Variants in SPART observed in about 807,000 individuals in gnomAD.
SPART encodes spastic paraplegia 20 (Troyer syndrome).
In SPART, 35 loss-of-function variants were observed where a neutral mutation model predicts 58.7. That is an observed-to-expected ratio of 0.60 (90% CI 0.46 to 0.79). SPART has a LOEUF of 0.79. Ranked by LOEUF, SPART falls within the 30% of genes least tolerant of loss-of-function variation. SPART has a pLI of 0.00. For synonymous variants in SPART, 284 were observed against 280.7 expected, an observed-to-expected ratio of 1.01 and a Z score of -0.12; for missense variants, 730 against 786.1, an observed-to-expected ratio of 0.93 and a Z score of 0.85.
intron 1 of SPART, among the ~76,000 whole-genome samples, chr13:36,360,424 AG>A (rs1177004177): frequency 6.6e-6 from 1 of 151,816 alleles, no homozygotes; most frequent in Non-Finnish European, 1.5e-5. Flanking sequence ...AGGTGTTAAG[AG>A]TGTCTTTCAG....
intron 1 of SPART, among the ~76,000 whole-genome samples, chr13:36,357,267 T>C (rs1000502136): frequency 3.9e-5 from 6 of 152,154 alleles, no homozygotes; most frequent in African/African-American, 1.4e-4. Flanking sequence ...AGTGAAACTT[T>C]TGTAATTCAA....
At chr13:36,345,624 C>G (rs1281067402) in intron 1 of SPART, 2 of 152,184 alleles carry the variant, frequency 1.3e-5, no homozygotes, top group Non-Finnish European at 2.9e-5. Flanking sequence ...CGTCACGAAA[C>G]TGCGCATTCC....
intron 1 of SPART, among the ~76,000 whole-genome samples, chr13:36,366,870 C>T (rs1234921410): frequency 6.6e-6 from 1 of 152,112 alleles, no homozygotes; most frequent in African/African-American, 2.4e-5. Flanking sequence ...TTGATGCATG[C>T]GCCAAGAAAG....
rs994932735 is a variant in SPART, at chr13:36,343,756, A to G, written c.-3+2469T>C. ...TCTGGCACCCTTCTAAGGTTATCCA[A>G]TCCTCACTCTTGGAGGTTGATATCT... On this transcript the variant is annotated intron_variant, in intron 1 of 8. Coordinates refer to ENST00000438666, the MANE Select transcript of SPART (RefSeq NM_015087.5). Among the ~76,000 whole-genome samples, 6 of 152,344 alleles carry G rather than the reference A, an allele frequency of 3.9e-5. No individual in the cohort carries two copies. The East Asian group carries it at 7.7e-4, about 20-fold the overall frequency.
intron 8 of SPART, among the ~76,000 whole-genome samples, chr13:36,305,823 C>T (rs1347876103): frequency 1.3e-5 from 2 of 152,056 alleles, no homozygotes; most frequent in Admixed American, 6.5e-5. Context: ...AAACAACAAA[C>T]AAAACAAAGA....
intron 1 of SPART, among the ~76,000 whole-genome samples, chr13:36,336,873 C>A (rs2137567719): frequency 6.6e-6 from 1 of 152,304 alleles, no homozygotes; most frequent in South Asian, 2.1e-4. Context: ...CTCACCAATT[C>A]TTTGAGGAAA....
At chr13:36,365,497 T>C (rs1886019214) in intron 1 of SPART, 1 of 371,196 alleles carries the variant, frequency 2.7e-6, no homozygotes, top group Non-Finnish European at 5.4e-6. Context: ...GCAAATATCT[T>C]AGATTACTAG....
At chr13:36,307,682 G>C (rs1292310755) in intron 8 of SPART, among the ~76,000 whole-genome samples, 1 of 151,988 alleles carries the variant, frequency 6.6e-6, no homozygotes, top group Non-Finnish European at 1.5e-5. Flanking sequence ...TTATTGAATA[G>C]GTACTATACC....
At position 36,302,561 on chromosome 13, in the gene SPART, GCTAA is replaced by G. The variant is rs1880090091; in HGVS notation, c.*1800_*1803del. 1.3e-5 allele frequency: 2 copies of G among 152,130 alleles called. No homozygotes were observed. Among genetic ancestry groups the G allele is most frequent in the Admixed American group, 6.5e-5 (1 of 15,274 alleles). 9.4% of individuals were successfully genotyped at this position (152,130 alleles called of 1,614,324 possible). ...GGATATTTGCTGACCTCTGGTCAAA[GCTAA>G]CTGTTTAAAGTTTATGTTCCATTAT... On this transcript the variant is annotated 3_prime_UTR_variant, in exon 9 of 9. Transcript: ENST00000438666.
At chr13:36,366,395 C>G (rs537664947) in intron 1 of SPART, among the ~76,000 whole-genome samples, 1 of 152,332 alleles carries the variant, frequency 6.6e-6, no homozygotes, top group South Asian at 2.1e-4. Context: ...GTATACCTCC[C>G]TGTATCCTCT....
At chr13:36,326,530 AG>A (rs1408016491) in intron 5 of SPART, 44 bp downstream of exon 5, 1 of 1,610,044 alleles carries the variant, frequency 6.2e-7, no homozygotes, top group Admixed American at 1.7e-5. Context: ...TTGGTTCCAA[AG>A]GCTTAATGTC....
chr13:36,334,946 A>C, intron 2 of SPART, 75 bp downstream of exon 2: 2 of 1,206,262 alleles, frequency 1.7e-6, no homozygotes, highest in East Asian at 4.6e-5. Flanking sequence ...TATACTGGAC[A>C]CATAAACATT....
rs1883458049 is a variant in SPART, at chr13:36,331,526, A to G, written c.881T>C (p.Met294Thr). The change falls in exon 3 of 9, where the codon ATG (methionine) becomes ACG (threonine). Residue 294 changes from methionine (M) to threonine (T), a missense_variant. Met to Thr is a moderately conservative substitution (Grantham distance 81). Transcript: ENST00000438666. ...TGCTTGTAGCATTGTATCAGGAAAC[A>G]TGTAGGCTCCCGCAGTACATTTCAG... ...PVLKCTAGAY[M>T]FPDTMLQAAG... The G allele has an allele frequency of 6.2e-7, 1 of 1,614,134 alleles. No individual in the cohort carries two copies. The highest frequency in any genetic ancestry group is 8.5e-7 in the Non-Finnish European group (1 of 1,180,016).
rs576094821 is a variant in SPART, at chr13:36,343,426, A to C, written c.-3+2799T>G. On this transcript the variant is annotated intron_variant, in intron 1 of 8. Coordinates refer to ENST00000438666, the MANE Select transcript of SPART (RefSeq NM_015087.5). The stretch of plus-strand genomic sequence containing the variant: ...TGGTGATGGATATAAAACTACAAAG[A>C]TATGATACCCCACTGAATACAGGTG... 4.6e-5 allele frequency among the ~76,000 whole-genome samples: 7 copies of C among 152,340 alleles called. No individual in the cohort carries two copies. In the East Asian group the frequency reaches 1.2e-3, roughly 25 times the overall value.
chr13:36,361,567 G>C (rs1015792601), intron 1 of SPART, among the ~76,000 whole-genome samples: 3 of 152,138 alleles, frequency 2.0e-5, no homozygotes, highest in African/African-American at 7.2e-5. Context: ...ACCACGCCCA[G>C]CTAATTTTGT....
intron 5 of SPART, chr13:36,326,244 G>C: frequency 2.9e-6 from 1 of 346,894 alleles, no homozygotes; most frequent in South Asian, 2.4e-5. Context: ...GAGGGACAGG[G>C]GTAGGGGGAG....
intron 4 of SPART, among the ~76,000 whole-genome samples, chr13:36,329,096 G>T (rs1027302552): frequency 1.3e-5 from 2 of 151,968 alleles, no homozygotes; most frequent in African/African-American, 2.4e-5. Flanking sequence ...GCAGGATCCT[G>T]TCTCAAAAAA....
chr13:36,318,167 G>A (rs1340821046), intron 5 of SPART, among the ~76,000 whole-genome samples: 1 of 152,006 alleles, frequency 6.6e-6, no homozygotes, highest in Non-Finnish European at 1.5e-5. Flanking sequence ...CTCAGCCTCT[G>A]CTACTCCACC....
chr13:36,306,842 A>G (rs1024914339), intron 8 of SPART, among the ~76,000 whole-genome samples: 11 of 152,336 alleles, frequency 7.2e-5, no homozygotes, highest in Admixed American at 5.2e-4. Context: ...ACCTCTTTAC[A>G]TATCATCAAC....
Sources: allele counts gnomAD v4.1 joint callset (sites outside exome capture counted in the v4.1 genomes callset), GRCh38; gene constraint gnomAD v4.1.1; transcripts MANE v1.5; gene names NCBI Gene and HGNC (gene_info 2026-07-23, HGNC 2026-07-21).